Variants in CCDC59 observed in about 807,000 individuals in gnomAD.
CCDC59 encodes the protein coiled-coil domain containing 59.
In CCDC59, 27 loss-of-function variants were observed where a neutral mutation model predicts 30.5. The ratio of observed to expected loss-of-function variants is 0.89; its 90% CI spans 0.65 to 1.22. CCDC59 has a LOEUF of 1.22. Among genes scored for constraint, CCDC59 ranks in the 50% most tolerant of loss-of-function variants. The pLI, the probability that CCDC59 is intolerant of heterozygous loss-of-function variation, is 0.00. For synonymous variants in CCDC59, 125 were observed against 100.9 expected (o/e 1.24, Z -1.43); for missense variants, 362 against 284.4 (o/e 1.27, Z -1.96).
intron 3 of CCDC59, among the ~76,000 whole-genome samples, chr12:82,353,657 T>C (rs1051190442): frequency 1.3e-5 from 2 of 152,166 alleles, no homozygotes; most frequent in Admixed American, 6.5e-5. Context: ...AAAGCTGTGC[T>C]AGTTAATACT....
At chr12:82,358,455 C>T (rs1325564488), upstream of CCDC59, 1 of 1,603,992 alleles carries the variant, frequency 6.2e-7, no homozygotes, top group Non-Finnish European at 8.5e-7. Flanking sequence ...CAATCAATCG[C>T]TCAGAAGGAA....
chr12:82,353,283 TTC>T lies in CCDC59; in HGVS notation c.592_593del (p.Glu198ArgfsTer15), dbSNP rs752119269. ...QEFERRKQER[E>X]EAQRQYKKKK... ...TCTTTTTGTACTGCCTTTGGGCTTC[TTC>T]TCTCTCCTGTTTTCTCCTCTCGAAT... On this transcript the variant is annotated frameshift_variant, in exon 4 of 4. Coordinates refer to ENST00000256151, the MANE Select transcript of CCDC59 (RefSeq NM_014167.5). LOFTEE classifies it high-confidence loss of function. 7 of 1,606,678 alleles carry T rather than the reference TTC, an allele frequency of 4.4e-6. No homozygotes were observed. The Admixed American group carries it at 6.9e-5, about 16-fold the overall frequency.
chr12:82,358,805 G>A (rs1286923901), upstream of CCDC59: 2 of 1,612,994 alleles, frequency 1.2e-6, no homozygotes, highest in Admixed American at 3.3e-5. Context: ...GCCCCCTAGT[G>A]GAAGCAGAGT....
At position 82,357,031 on chromosome 12, in the gene CCDC59, G is replaced by A. The variant is rs758258688; in HGVS notation, c.393C>T (p.Asp131=). ...TACACTGATCTTCAAATAAAGGCTC[G>A]TCAATGCTACACTGTTCTTCAAGCA... ...QPLLEEQCSI[D]EPLFEDQCSF... Residue 131 remains aspartate (D), a synonymous_variant, in exon 2 of 4, where the codon GAC becomes GAT. Transcript: ENST00000256151. The A allele has an allele frequency of 6.2e-6, 10 of 1,614,140 alleles. No homozygotes were observed. Among genetic ancestry groups the A allele is most frequent in the Non-Finnish European group, 7.6e-6 (9 of 1,180,006 alleles).
At position 82,354,763 on chromosome 12, in the gene CCDC59, A is replaced by G. The variant is rs1280012967; in HGVS notation, c.465-169T>C. 3 of 504,922 alleles carry G rather than the reference A, an allele frequency of 5.9e-6. No individual in the cohort carries two copies. In the Admixed American group the frequency reaches 1.2e-4, roughly 21 times the overall value. 31.3% of individuals were successfully genotyped at this position (504,922 alleles called of 1,614,324 possible). ...AATATAGAAAGCTATGAAAAATCCT[A>G]AAATGTTAAAAAAAAAAACTTTTAA... On this transcript the variant is annotated intron_variant, in intron 2 of 3. Transcript: ENST00000256151.
chr12:82,356,646 C>T (rs988916308), intron 2 of CCDC59, among the ~76,000 whole-genome samples: 2 of 152,152 alleles, frequency 1.3e-5, no homozygotes, highest in Non-Finnish European at 2.9e-5. Flanking sequence ...AATTATAACA[C>T]CTCTCAGAAG....
rs143878269 is a variant in CCDC59 at position 82,352,313 on chromosome 12, T to A, written c.*838A>T. ...CAATTTCAGACTGTATTTGCTATCATTTATAAAATTTTATTATTCAATATT... is the reference window on the plus strand; with the variant it reads ...CAATTTCAGACTGTATTTGCTATCAATTATAAAATTTTATTATTCAATATT... On this transcript the variant is annotated 3_prime_UTR_variant, in exon 4 of 4. Coordinates refer to ENST00000256151, the MANE Select transcript of CCDC59 (RefSeq NM_014167.5). 1.5e-3 allele frequency: 235 copies of A among 152,380 alleles called. No individual in the cohort carries two copies. The highest frequency in any genetic ancestry group is 5.5e-3 in the African/African-American group (229 of 41,596). The allele number at this position is 152,380 out of a possible 1,614,324, so 9.4% of individuals were successfully genotyped here. A position where few individuals can be genotyped will look rare whatever the true frequency, so the allele number is the denominator to read the frequency against.
intron 3 of CCDC59, among the ~76,000 whole-genome samples, chr12:82,354,016 AGTT>A (rs1880917021): frequency 2.0e-5 from 1 of 51,252 alleles, no homozygotes; most frequent in African/African-American, 5.1e-5. Context: ...CTAAAATAAT[AGTT>A]GTTTTTTTTT....
rs1880853114 is a variant in CCDC59 at position 82,352,352 on chromosome 12, T to C, written c.*799A>G. ...TTATTCAATATTTGGCAAGTATTAT[T>C]GGTCAGCCCTTTTTGCTTACAATGA... On this transcript the variant is annotated 3_prime_UTR_variant, in exon 4 of 4. Transcript: ENST00000256151. The C allele has an allele frequency of 6.6e-6, 1 of 152,260 alleles. No homozygotes were observed. Among genetic ancestry groups the C allele is most frequent in the South Asian group, 2.1e-4 (1 of 4,836 alleles). The allele number at this position is 152,260 out of a possible 1,614,324, so 9.4% of individuals were successfully genotyped here. A position where few individuals can be genotyped will look rare whatever the true frequency, so the allele number is the denominator to read the frequency against.
intron 2 of CCDC59, chr12:82,355,299 T>G (rs1344515418): frequency 6.6e-6 from 1 of 152,246 alleles, no homozygotes; most frequent in Non-Finnish European, 1.5e-5. Flanking sequence ...GTTCCACGGT[T>G]TCAGTTACCT....
intron 2 of CCDC59, chr12:82,354,821 T>C: frequency 3.4e-6 from 1 of 293,234 alleles, no homozygotes; most frequent in Non-Finnish European, 6.2e-6. Context: ...ATGATAGAAA[T>C]GCCAGACTGA....
At chr12:82,358,796 C>G (rs748223982), upstream of CCDC59, 1 of 1,613,382 alleles carries the variant, frequency 6.2e-7, no homozygotes. Flanking sequence ...CAGAGACGCG[C>G]CCCCTAGTGG....
chr12:82,354,448 G>A lies in CCDC59; in HGVS notation c.564+47C>T, dbSNP rs371315969. On this transcript the variant is annotated intron_variant, in intron 3 of 3. Transcript: ENST00000256151. ...ACAACAGGTATAGTATATATATTTA[G>A]GATAAATAAGAAAAACTATACTAAA... 293 of 1,410,170 alleles carry A rather than the reference G, an allele frequency of 2.1e-4. 2 individuals carry two copies. In the Middle Eastern group the frequency reaches 3.0e-3, roughly 15 times the overall value. 87.4% of individuals were successfully genotyped at this position (1,410,170 alleles called of 1,614,324 possible). A position where few individuals can be genotyped will look rare whatever the true frequency, so the allele number is the denominator to read the frequency against.
intron 2 of CCDC59, 135 bp from the exon 3 acceptor site, chr12:82,354,729 C>T (rs1006746095): frequency 1.5e-6 from 1 of 646,344 alleles, no homozygotes; most frequent in Non-Finnish European, 2.2e-6. Flanking sequence ...AATATTTCAA[C>T]TAGGAAAAAA....
chr12:82,354,177 A>G (rs1449329664), intron 3 of CCDC59, among the ~76,000 whole-genome samples: 1 of 152,122 alleles, frequency 6.6e-6, no homozygotes, highest in Non-Finnish European at 1.5e-5. Flanking sequence ...ATACATAAAA[A>G]TCTTTTGAGG....
In CCDC59 at chr12:82,356,940, C is replaced by T; in HGVS notation, c.464+20G>A. 6.4e-7 allele frequency: 1 copy of T among 1,569,572 alleles called. No homozygotes were observed. Among genetic ancestry groups the T allele is most frequent in the Middle Eastern group, 1.8e-4 (1 of 5,708 alleles). On this transcript the variant is annotated intron_variant, in intron 2 of 3. Transcript: ENST00000256151. ...TAATAAAACAACACTTAAAGGATTT[C>T]AAATGAAGAAAATACATACTTTACT... is the stretch of plus-strand genomic sequence containing the variant.
In CCDC59 at chr12:82,353,013, A is replaced by AAAAAT; in HGVS notation, c.*133_*137dup. 2 of 626,642 alleles carry AAAAAT rather than the reference A, an allele frequency of 3.2e-6. No homozygotes were observed. The highest frequency in any genetic ancestry group is 5.2e-6 in the Non-Finnish European group (2 of 387,230). 38.8% of individuals were successfully genotyped at this position (626,642 alleles called of 1,614,324 possible). A position where few individuals can be genotyped will look rare whatever the true frequency, so the allele number is the denominator to read the frequency against. ...TATTTAGAAAATTTTTTACCATAAT[A>AAAAAT]AAAATATGTGAACATCTTATATTTA... On this transcript the variant is annotated 3_prime_UTR_variant, in exon 4 of 4. Coordinates refer to ENST00000256151, the MANE Select transcript of CCDC59 (RefSeq NM_014167.5).
rs1880939203 is a variant in CCDC59 at position 82,354,484 on chromosome 12, G to C, written c.564+11C>G. The C allele has an allele frequency of 6.4e-7, 1 of 1,571,882 alleles. No individual in the cohort carries two copies. Among genetic ancestry groups the C allele is most frequent in the Non-Finnish European group, 8.6e-7 (1 of 1,157,790 alleles). ...AAAAACTATACTAAATATTTTCAAA[G>C]TAGAACTTACTTGTTTCTTAGCAGC... On this transcript the variant is annotated intron_variant, in intron 3 of 3. Coordinates refer to ENST00000256151, the MANE Select transcript of CCDC59 (RefSeq NM_014167.5).
At position 82,354,590 on chromosome 12, in the gene CCDC59, A is replaced by G. The variant is rs761461434; in HGVS notation, c.469T>C (p.Phe157Leu). The G allele has an allele frequency of 1.3e-6, 2 of 1,572,766 alleles. No individual in the cohort carries two copies. Among genetic ancestry groups the G allele is most frequent in the Non-Finnish European group, 1.7e-6 (2 of 1,156,664 alleles). ...EEQCIKTVNS[F>L]TIPKKNKKKT... ...TTTTTATTTTTCTTTGGAATTGTAAAGGAGCTTTTAATTGGGGGATGAGGA... is the reference window on the plus strand; with the variant it reads ...TTTTTATTTTTCTTTGGAATTGTAAGGGAGCTTTTAATTGGGGGATGAGGA... The change falls in exon 3 of 4, where the codon TTT becomes CTT. Residue 157 changes from phenylalanine to leucine, a missense_variant. Coordinates refer to ENST00000256151, the MANE Select transcript of CCDC59 (RefSeq NM_014167.5).
Sources: gnomAD v4.1 joint callset for allele counts (sites outside exome capture counted in the v4.1 genomes callset) on GRCh38, gnomAD v4.1.1 for gene constraint, MANE v1.5 for transcripts, NCBI Gene and HGNC (gene_info 2026-07-23, HGNC 2026-07-21) for gene names.